PHACTR1: variants seen among roughly 807,000 people sequenced by gnomAD.
PHACTR1 encodes RPEL repeat containing 1.
PHACTR1 carries 16 observed loss-of-function variants against 69.2 expected under a neutral mutation model. The ratio of observed to expected loss-of-function variants is 0.23; its 90% confidence interval spans 0.16 to 0.35. PHACTR1 has a LOEUF of 0.35. PHACTR1 is among the 10% of genes least tolerant of loss of function. The pLI is 1.00. For synonymous variants in PHACTR1, 312 were observed against 284.5 expected, an observed-to-expected ratio of 1.10 and a Z score of -0.97; for missense variants, 510 against 734.7, an observed-to-expected ratio of 0.69 and a Z score of 3.54.
intron 4 of PHACTR1, among the ~76,000 whole-genome samples, chr6:12,884,348 C>T (rs1783415648): frequency 6.6e-6 from 1 of 151,966 alleles, no homozygotes; most frequent in Non-Finnish European, 1.5e-5. Context: ...ATCATATACA[C>T]ACAGAGATGG....
At chr6:12,912,454 A>G (rs768902707) in intron 4 of PHACTR1, among the ~76,000 whole-genome samples, 3 of 152,184 alleles carry the variant, frequency 2.0e-5, no homozygotes, top group Non-Finnish European at 4.4e-5. Context: ...CCAGTTTTGA[A>G]AAGGTTTTTC....
chr6:12,861,678 T>C (rs1780953996), intron 4 of PHACTR1, among the ~76,000 whole-genome samples: 1 of 152,220 alleles, frequency 6.6e-6, no homozygotes, highest in Admixed American at 6.5e-5. Flanking sequence ...AAAGTTTGTC[T>C]TTTCAGTTCT....
chr6:13,007,400 G>A lies in PHACTR1; in HGVS notation c.251-45965G>A, dbSNP rs370849093. ...GAAACTGAATACTTTGGAACAACTAGAAGTCTCACTAATCTCTGATAATTT... is the reference window on the plus strand; with the variant it reads ...GAAACTGAATACTTTGGAACAACTAAAAGTCTCACTAATCTCTGATAATTT... On this transcript the variant is annotated intron_variant, in intron 4 of 14. Coordinates refer to ENST00000332995, the MANE Select transcript of PHACTR1 (RefSeq NM_030948.6). Among the ~76,000 whole-genome samples, 69 of 152,200 alleles carry A rather than the reference G, an allele frequency of 4.5e-4. 2 individuals are homozygous for A. In the East Asian group the frequency reaches 8.7e-3, roughly 19 times the overall value.
At chr6:13,064,402 A>T (rs1808166353) in intron 5 of PHACTR1, among the ~76,000 whole-genome samples, 1 of 151,564 alleles carries the variant, frequency 6.6e-6, no homozygotes, top group Admixed American at 6.6e-5. Context: ...AGAAGAAAAG[A>T]CACACACACA....
intron 4 of PHACTR1, among the ~76,000 whole-genome samples, chr6:12,794,446 C>T (rs890827382): frequency 6.6e-6 from 1 of 152,126 alleles, no homozygotes; most frequent in Non-Finnish European, 1.5e-5. Flanking sequence ...AAACAGATCA[C>T]GAGCCTGAAT....
rs183397125 is a variant in PHACTR1 at position 12,762,149 on chromosome 6, A to G, written c.250+12359A>G. Reference sequence around the variant, plus strand: ...CAGTTTCTCCAGGTTAAAGTTATTCAATTGGAATAGAAAAGGCAGAAGCAA... The same window carrying G: ...CAGTTTCTCCAGGTTAAAGTTATTCGATTGGAATAGAAAAGGCAGAAGCAA... On this transcript the variant is annotated intron_variant, in intron 4 of 14. Transcript: ENST00000332995. Among the ~76,000 whole-genome samples, 15 of 152,364 alleles carry G rather than the reference A, an allele frequency of 9.8e-5. No individual in the cohort carries two copies. The East Asian group carries it at 2.3e-3, about 23-fold the overall frequency.
chr6:12,933,969 T>C (rs1203355022), intron 4 of PHACTR1: 13 of 1,564,262 alleles, frequency 8.3e-6, no homozygotes, highest in Non-Finnish European at 1.1e-5. Flanking sequence ...AGAGTTGCTG[T>C]AACAAAGTAC....
intron 3 of PHACTR1, among the ~76,000 whole-genome samples, chr6:12,742,577 C>G (rs1180971328): frequency 1.3e-5 from 2 of 152,096 alleles, no homozygotes; most frequent in Non-Finnish European, 2.9e-5. Context: ...GGGAATGCAG[C>G]CTGGTAGGTC....
chr6:12,811,932 AAAG>A lies in PHACTR1; in HGVS notation c.250+62149_250+62151del, dbSNP rs373957010. Among the ~76,000 whole-genome samples the A allele has an allele frequency of 4.9e-4, 74 of 152,188 alleles. 2 individuals carry two copies. The East Asian group carries it at 0.011, about 22-fold the overall frequency. ...GATTCATGGTCCTTTGTTTTTTCTG[AAAG>A]AAGAAGTTGATCTACAGGGTGCCTG... On this transcript the variant is annotated intron_variant, in intron 4 of 14. Transcript: ENST00000332995.
intron 6 of PHACTR1, among the ~76,000 whole-genome samples, chr6:13,164,574 A>G (rs564165373): frequency 6.6e-6 from 1 of 152,328 alleles, no homozygotes; most frequent in South Asian, 2.1e-4. Context: ...GTTTGTGTGC[A>G]CGATACTACT....
intron 4 of PHACTR1, among the ~76,000 whole-genome samples, chr6:12,802,481 A>G (rs1437398534): frequency 6.6e-6 from 1 of 152,156 alleles, no homozygotes; most frequent in Non-Finnish European, 1.5e-5. Flanking sequence ...ATATACAAGT[A>G]TCAGAAGAGG....
At chr6:12,720,202 C>T (rs759655053) in intron 3 of PHACTR1, among the ~76,000 whole-genome samples, 53 of 152,270 alleles carry the variant, frequency 3.5e-4, no homozygotes, top group Non-Finnish European at 2.5e-4. Context: ...AGGCTCAATT[C>T]CTTCTCCAGT....
intron 5 of PHACTR1, among the ~76,000 whole-genome samples, chr6:13,117,662 TGA>T (rs372837122): frequency 6.6e-6 from 1 of 152,238 alleles, no homozygotes; most frequent in Admixed American, 6.5e-5. Flanking sequence ...TAAATCCCAC[TGA>T]GACAGGCTTT....
intron 5 of PHACTR1, among the ~76,000 whole-genome samples, chr6:13,156,054 A>G (rs1049853244): frequency 1.3e-5 from 2 of 152,134 alleles, no homozygotes; most frequent in African/African-American, 4.8e-5. Flanking sequence ...CATTCTCACA[A>G]TGATGTTGCG....
intron 5 of PHACTR1, among the ~76,000 whole-genome samples, chr6:13,116,403 AC>A (rs756657335): frequency 1.3e-5 from 2 of 152,250 alleles, no homozygotes; most frequent in South Asian, 2.1e-4. Flanking sequence ...TCTTGAGTGT[AC>A]CTTATATTGT....
At chr6:13,235,802 C>T (rs182592433) in intron 10 of PHACTR1, among the ~76,000 whole-genome samples, 3 of 152,302 alleles carry the variant, frequency 2.0e-5, no homozygotes, top group African/African-American at 7.2e-5. Flanking sequence ...ACCTAGGGAA[C>T]GGCTAGCTCT....
chr6:13,214,980 T>G lies in PHACTR1; in HGVS notation c.986+8844T>G, dbSNP rs545674446. On this transcript the variant is annotated intron_variant, in intron 8 of 14. Coordinates refer to ENST00000332995, the MANE Select transcript of PHACTR1 (RefSeq NM_030948.6). ...AAAAATAAATACGTTTCTAATAAAT[T>G]CATTCTTTATCTACCTCTTCCTGTC... Among the ~76,000 whole-genome samples, 8 of 152,312 alleles carry G rather than the reference T, an allele frequency of 5.3e-5. No individual in the cohort carries two copies. The East Asian group carries it at 1.5e-3, about 29-fold the overall frequency.
chr6:12,997,875 C>T (rs957448410), intron 4 of PHACTR1, among the ~76,000 whole-genome samples: 41 of 152,126 alleles, frequency 2.7e-4, no homozygotes, highest in African/African-American at 9.4e-4. Flanking sequence ...ATGGTGTGAA[C>T]CCGGGAGGCA....
intron 5 of PHACTR1, among the ~76,000 whole-genome samples, chr6:13,099,360 T>A (rs894610219): frequency 1.3e-5 from 2 of 152,202 alleles, no homozygotes; most frequent in African/African-American, 2.4e-5. Context: ...TCTTACACAT[T>A]CCTGGCATGT....
Sources: allele counts gnomAD v4.1 joint callset (sites outside exome capture counted in the v4.1 genomes callset), GRCh38; gene constraint gnomAD v4.1.1; transcripts MANE v1.5; gene names NCBI Gene and HGNC (gene_info 2026-07-23, HGNC 2026-07-21).